The following ATP10B variants were observed in gnomAD, a reference collection of about 807,000 sequenced individuals.
ATP10B encodes ATPase phospholipid transporting 10B (putative).
Under a neutral mutation model 141.2 loss-of-function variants are expected in ATP10B, and 122 were observed. That is an observed-to-expected ratio of 0.86 (90% CI 0.75 to 1.00). ATP10B has a LOEUF of 1.00. Ranked by LOEUF, ATP10B falls within the 50% of genes least tolerant of loss-of-function variation. ATP10B has a pLI of 0.00. For synonymous variants in ATP10B, 685 were observed against 692.0 expected (o/e 0.99, Z 0.16); for missense variants, 1,876 against 1,825.3 (o/e 1.03, Z -0.51).
intron 10 of ATP10B, 41 bp from the exon 11 acceptor site, chr5:160,636,350 T>G (rs1346078745): frequency 6.2e-7 from 1 of 1,601,586 alleles, no homozygotes; most frequent in Non-Finnish European, 8.5e-7. Context: ...GAATCTCTAC[T>G]AAGTCCTAAA....
intron 13 of ATP10B, among the ~76,000 whole-genome samples, chr5:160,626,159 A>T (rs1581220696): frequency 6.6e-6 from 1 of 152,356 alleles, no homozygotes; most frequent in South Asian, 2.1e-4. Context: ...CATTGTCCAG[A>T]CTATTTCTCG....
chr5:160,782,181 G>A lies in ATP10B; in HGVS notation c.-331+3378C>T, dbSNP rs186499093. Among the ~76,000 whole-genome samples, 274 of 152,086 alleles carry A rather than the reference G, an allele frequency of 1.8e-3. 1 individual carries two copies. The highest frequency in any genetic ancestry group is 6.1e-3 in the African/African-American group (255 of 41,482). ...CTCTTTCACCAAAAAATGTTGAAAC[G>A]CAGTAATGTAAATATATTAAACACT... On this transcript the variant is annotated intron_variant, in intron 2 of 25. Transcript: ENST00000327245.
intron 7 of ATP10B, among the ~76,000 whole-genome samples, chr5:160,657,080 G>A (rs1761564692): frequency 6.6e-6 from 1 of 152,250 alleles, no homozygotes. Flanking sequence ...AGCTGACTGT[G>A]CCAAGGAATA....
At chr5:160,907,365 T>C in the ATP10B span, among the ~76,000 whole-genome samples, 1 of 151,330 alleles carries the variant, frequency 6.6e-6, no homozygotes, top group Non-Finnish European at 1.5e-5. Flanking sequence ...CTAAACTCTT[T>C]ACCTGCATTA....
chr5:160,909,305 T>A, the ATP10B span, among the ~76,000 whole-genome samples: 5 of 152,292 alleles, frequency 3.3e-5, no homozygotes, highest in South Asian at 4.1e-4. Context: ...GTGTTTTTTT[T>A]AATTCTTGGT....
chr5:160,841,494 T>C (rs1345785772), intron 1 of ATP10B, among the ~76,000 whole-genome samples: 2 of 152,174 alleles, frequency 1.3e-5, no homozygotes, highest in Non-Finnish European at 1.5e-5. Flanking sequence ...TTTCTGAGCA[T>C]ATGTTTTTGT....
At chr5:160,842,342 G>A (rs1775858966) in intron 1 of ATP10B, among the ~76,000 whole-genome samples, 1 of 152,072 alleles carries the variant, frequency 6.6e-6, no homozygotes, top group Non-Finnish European at 1.5e-5. Flanking sequence ...TATGATTGGG[G>A]AAACGATAGC....
chr5:160,677,226 A>G (rs1485638090), intron 6 of ATP10B, among the ~76,000 whole-genome samples: 1 of 152,220 alleles, frequency 6.6e-6, no homozygotes, highest in Non-Finnish European at 1.5e-5. Context: ...GAGGACCTAA[A>G]GCATTCTCTC....
chr5:160,774,403 T>C (rs1278132049), intron 2 of ATP10B, among the ~76,000 whole-genome samples: 2 of 152,228 alleles, frequency 1.3e-5, no homozygotes, highest in African/African-American at 2.4e-5. Context: ...TGCATGACTT[T>C]AGGCAAATCT....
chr5:160,816,889 C>T (rs1405520891), intron 1 of ATP10B, among the ~76,000 whole-genome samples: 1 of 152,024 alleles, frequency 6.6e-6, no homozygotes, highest in Non-Finnish European at 1.5e-5. Flanking sequence ...TAAACAGAAC[C>T]AAAGACAAAA....
chr5:160,812,008 CAGAGACAGAGACAG>C (rs1478634865), intron 1 of ATP10B, among the ~76,000 whole-genome samples: 4 of 67,380 alleles, frequency 5.9e-5, no homozygotes, highest in Non-Finnish European at 1.0e-4. Context: ...GAGACAGAGA[CAGAGACAGAGACAG>C]AGAGAGAGAG....
chr5:160,882,094 G>T, the ATP10B span, among the ~76,000 whole-genome samples: 16 of 152,156 alleles, frequency 1.1e-4, 1 homozygote, highest in African/African-American at 3.4e-4. Flanking sequence ...CATTGGAAGG[G>T]GGAGGAGGAG....
At chr5:160,824,563 A>T (rs982271547) in intron 1 of ATP10B, among the ~76,000 whole-genome samples, 1 of 152,178 alleles carries the variant, frequency 6.6e-6, no homozygotes, top group Non-Finnish European at 1.5e-5. Flanking sequence ...GTGAACTTGT[A>T]CAAACCTAGA....
chr5:160,814,269 C>T (rs998346900), intron 1 of ATP10B, among the ~76,000 whole-genome samples: 7 of 152,078 alleles, frequency 4.6e-5, no homozygotes, highest in Non-Finnish European at 8.8e-5. Flanking sequence ...ACTAGAATAA[C>T]CAATGCAGAG....
At chr5:160,842,912 C>T (rs1378823153) in intron 1 of ATP10B, among the ~76,000 whole-genome samples, 1 of 151,868 alleles carries the variant, frequency 6.6e-6, no homozygotes, top group African/African-American at 2.4e-5. Context: ...TTTCAGAAAA[C>T]ATAAAAATAG....
At chr5:160,830,622 C>G (rs909876507) in intron 1 of ATP10B, among the ~76,000 whole-genome samples, 3 of 151,820 alleles carry the variant, frequency 2.0e-5, no homozygotes, top group African/African-American at 7.3e-5. Flanking sequence ...AATCTATGTT[C>G]ATTAGAAATT....
chr5:160,573,464 T>G (rs1484203853), intron 24 of ATP10B, among the ~76,000 whole-genome samples: 1 of 152,202 alleles, frequency 6.6e-6, no homozygotes, highest in African/African-American at 2.4e-5. Context: ...GGTCCCCAGC[T>G]CCTGGGCCAT....
intron 13 of ATP10B, among the ~76,000 whole-genome samples, chr5:160,628,016 G>A (rs1758699382): frequency 6.6e-6 from 1 of 152,224 alleles, no homozygotes; most frequent in African/African-American, 2.4e-5. Context: ...CATTTTCCTG[G>A]TTGCTGGGGA....
chr5:160,753,166 G>A (rs1768280478), intron 2 of ATP10B, among the ~76,000 whole-genome samples: 1 of 152,122 alleles, frequency 6.6e-6, no homozygotes, highest in African/African-American at 2.4e-5. Flanking sequence ...AAAGTCAAAG[G>A]ATGGCTGCCA....
Sources: allele counts gnomAD v4.1 joint callset (sites outside exome capture counted in the v4.1 genomes callset), GRCh38; gene constraint gnomAD v4.1.1; transcripts MANE v1.5; gene names NCBI Gene and HGNC (gene_info 2026-07-23, HGNC 2026-07-21).